Variants in FRMPD2 observed in about 807,000 individuals in gnomAD.
FRMPD2 encodes FERM and PDZ domain containing 2.
Under a neutral mutation model 140.1 loss-of-function variants are expected in FRMPD2, and 96 were observed. The observed-to-expected ratio is 0.69, with a 90% CI of 0.58 to 0.81. The LOEUF (loss-of-function observed/expected upper bound fraction) is 0.81, where lower values mean the gene tolerates loss of function less well. FRMPD2 is among the 40% of genes least tolerant of loss of function. FRMPD2 has a pLI of 0.00. For synonymous variants in FRMPD2, 449 were observed against 547.6 expected (o/e 0.82, Z 2.52); for missense variants, 1,240 against 1,447.4 (o/e 0.86, Z 2.32).
intron 22 of FRMPD2, among the ~76,000 whole-genome samples, chr10:48,176,615 A>T (rs1441874972): frequency 6.6e-6 from 1 of 152,098 alleles, no homozygotes; most frequent in Non-Finnish European, 1.5e-5. Flanking sequence ...CTGCAAAGAA[A>T]ATCCAAGTTT....
chr10:48,258,808 C>T (rs1847238529), intron 1 of FRMPD2, among the ~76,000 whole-genome samples: 1 of 152,086 alleles, frequency 6.6e-6, no homozygotes, highest in African/African-American at 2.4e-5. Context: ...TAAAAGGATA[C>T]TACATATCAT....
At chr10:48,221,455 G>A (rs1278341442) in intron 12 of FRMPD2, among the ~76,000 whole-genome samples, 2 of 152,050 alleles carry the variant, frequency 1.3e-5, no homozygotes, top group South Asian at 4.1e-4. Flanking sequence ...GGAGGATGAG[G>A]GATAAAAGAC....
intron 14 of FRMPD2, among the ~76,000 whole-genome samples, chr10:48,206,513 G>A (rs184124555): frequency 6.6e-6 from 1 of 152,166 alleles, no homozygotes; most frequent in Admixed American, 6.5e-5. Context: ...ATATGTGGAG[G>A]TCCAGGCAAG....
chr10:48,167,591 T>C (rs1455235353), intron 27 of FRMPD2, among the ~76,000 whole-genome samples: 5 of 117,528 alleles, frequency 4.3e-5, no homozygotes, highest in Non-Finnish European at 8.9e-5. Context: ...TCACAGGGGA[T>C]GTTCTCAAGC....
intron 8 of FRMPD2, among the ~76,000 whole-genome samples, chr10:48,237,381 T>C (rs114232855): frequency 0.019 from 2,952 of 152,046 alleles, 75 homozygotes; most frequent in African/African-American, 0.066. Flanking sequence ...TCCACCAAGT[T>C]CATGGAGGCC....
rs1169991036 is a variant in FRMPD2 at position 48,184,727 on chromosome 10, A to T, written c.2468-45T>A. The T allele has an allele frequency of 1.9e-6, 3 of 1,596,416 alleles. No homozygotes were observed. The South Asian group carries it at 3.4e-5, about 18-fold the overall frequency. ...CAATAATCCTTCAAGGAAATAAAAA[A>T]GAGTGGTTTCTTAAAACAGCATCTC... On this transcript the variant is annotated intron_variant, in intron 19 of 28. Coordinates refer to ENST00000374201, the MANE Select transcript of FRMPD2 (RefSeq NM_001018071.4).
chr10:48,249,272 T>C, intron 2 of FRMPD2, 94 bp from the exon 3 acceptor site: 1 of 1,205,972 alleles, frequency 8.3e-7, no homozygotes, highest in Non-Finnish European at 1.2e-6. Flanking sequence ...GCAGTACCCA[T>C]CTCTGGGACT....
chr10:48,195,443 C>A (rs1012266098), intron 15 of FRMPD2, among the ~76,000 whole-genome samples: 4 of 152,276 alleles, frequency 2.6e-5, no homozygotes, highest in East Asian at 1.9e-4. Flanking sequence ...CAAAGGACTG[C>A]AAAATAAAGC....
At chr10:48,173,740 CCT>C (rs1838328641) in intron 24 of FRMPD2, among the ~76,000 whole-genome samples, 1 of 152,142 alleles carries the variant, frequency 6.6e-6, no homozygotes, top group Non-Finnish European at 1.5e-5. Context: ...CCTGCCCTCC[CCT>C]TTCTTTCCAA....
intron 17 of FRMPD2, among the ~76,000 whole-genome samples, chr10:48,186,736 T>G (rs533730208): frequency 2.0e-5 from 3 of 152,348 alleles, no homozygotes; most frequent in East Asian, 3.9e-4. Flanking sequence ...GGCTTAATGC[T>G]CACTGAGTAG....
intron 12 of FRMPD2, among the ~76,000 whole-genome samples, chr10:48,213,150 A>C (rs1171101960): frequency 6.6e-6 from 1 of 151,886 alleles, no homozygotes; most frequent in Non-Finnish European, 1.5e-5. Context: ...TACCTCCCAC[A>C]CTCCTGATGT....
chr10:48,225,676 C>A (rs571584712), intron 10 of FRMPD2, among the ~76,000 whole-genome samples: 2 of 152,292 alleles, frequency 1.3e-5, no homozygotes, highest in South Asian at 2.1e-4. Context: ...AAGCCTGTCT[C>A]TCTTTGTTGT....
chr10:48,203,432 G>A (rs1260707798), intron 14 of FRMPD2, among the ~76,000 whole-genome samples: 2 of 152,266 alleles, frequency 1.3e-5, no homozygotes, highest in African/African-American at 4.8e-5. Flanking sequence ...TGGGTTTTCA[G>A]CACCAGCATG....
At chr10:48,261,512 T>C (rs1473904436) in intron 1 of FRMPD2, among the ~76,000 whole-genome samples, 1 of 152,062 alleles carries the variant, frequency 6.6e-6, no homozygotes, top group Non-Finnish European at 1.5e-5. Context: ...ATTTAAAGTG[T>C]AAAAATAAAA....
At chr10:48,174,048 G>C (rs556856002) in intron 24 of FRMPD2, among the ~76,000 whole-genome samples, 1 of 152,348 alleles carries the variant, frequency 6.6e-6, no homozygotes, top group Non-Finnish European at 1.5e-5. Context: ...TTATGGCTCT[G>C]TTCTCAAGAT....
Position 48,251,613 on chromosome 10 carries a change from G to A in FRMPD2, c.104C>T (p.Ser35Phe). Residue 35 changes from serine to phenylalanine, a missense_variant, in exon 2 of 29, where the codon TCC becomes TTC. Transcript: ENST00000374201. ...GEALSEEEIW[S>F]LLFLAAEQLL... Reference sequence around the variant, plus strand: ...CTGCTCAGCGGCCAGGAACAGGAGGGACCAGATTTCCTCCTCAGACAGAGC... The same window carrying A: ...CTGCTCAGCGGCCAGGAACAGGAGGAACCAGATTTCCTCCTCAGACAGAGC... The A allele has an allele frequency of 1.9e-6, 3 of 1,614,190 alleles. No individual in the cohort carries two copies. Among genetic ancestry groups the A allele is most frequent in the Non-Finnish European group, 2.5e-6 (3 of 1,179,996 alleles).
intron 1 of FRMPD2, among the ~76,000 whole-genome samples, chr10:48,255,346 C>T (rs1360424429): frequency 1.3e-5 from 2 of 152,226 alleles, no homozygotes; most frequent in Non-Finnish European, 1.5e-5. Flanking sequence ...GCCCCTCTCC[C>T]TGGCATGCCT....
chr10:48,238,101 G>T lies in FRMPD2; in HGVS notation c.811C>A (p.Gln271Lys). The part of the protein sequence containing the change: ...VNRALPGADP[Q>K]DQQAGRRLSS... ...AGCCTCCGGCCCGCCTGCTGGTCCT[G>T]GGGATCTGCTCCTGGAAGAGCGCTG... Residue 271 changes from glutamine to lysine, a missense_variant, in exon 8 of 29, where the codon CAG (glutamine) becomes AAG (lysine). Transcript: ENST00000374201. 1 of 1,612,386 alleles carries T rather than the reference G, an allele frequency of 6.2e-7. No individual in the cohort carries two copies. The highest frequency in any genetic ancestry group is 8.5e-7 in the Non-Finnish European group (1 of 1,180,018).
At chr10:48,251,878 A>C (rs544533102) in intron 1 of FRMPD2, 187 bp from the exon 2 acceptor site, 14 of 591,782 alleles carry the variant, frequency 2.4e-5, no homozygotes, top group South Asian at 1.8e-4. Context: ...AAGAAATGTT[A>C]ATTGGAGGAC....
Sources: gnomAD v4.1 joint callset for allele counts (sites outside exome capture counted in the v4.1 genomes callset) on GRCh38, gnomAD v4.1.1 for gene constraint, MANE v1.5 for transcripts, NCBI Gene and HGNC (gene_info 2026-07-23, HGNC 2026-07-21) for gene names.